The following COQ3 variants were observed in gnomAD, a reference collection of about 807,000 sequenced individuals.
COQ3 encodes ubiquinone biosynthesis O-methyltransferase, mitochondrial.
Under a neutral mutation model 33.1 loss-of-function variants are expected in COQ3, and 29 were observed. The observed-to-expected ratio is 0.88, with a 90% confidence interval of 0.65 to 1.19. The LOEUF is 1.19. COQ3 is among the 50% of genes most tolerant of loss of function. The pLI, the probability that COQ3 is intolerant of heterozygous loss-of-function variation, is 0.00. For synonymous variants in COQ3, 173 were observed against 157.8 expected, an observed-to-expected ratio of 1.10 and a Z score of -0.72; for missense variants, 437 against 430.7, an observed-to-expected ratio of 1.01 and a Z score of -0.13.
intron 1 of COQ3, among the ~76,000 whole-genome samples, chr6:99,385,329 C>A (rs1774594323): frequency 6.6e-6 from 1 of 152,122 alleles, no homozygotes. Context: ...GAAACACTTC[C>A]CCCAAACAAC....
At chr6:99,389,835 C>T (rs974115076) in intron 1 of COQ3, among the ~76,000 whole-genome samples, 10 of 151,960 alleles carry the variant, frequency 6.6e-5, no homozygotes, top group African/African-American at 1.4e-4. Context: ...AGATTAGGGC[C>T]GGGTGTGGTG....
chr6:99,380,329 C>T lies in COQ3; in HGVS notation c.246G>A (p.Ala82=), dbSNP rs548896136. ...NRIKSFRYPW[A]RLYSTSQTTV... ...TGGTTTGGGAAGTACTGTACAGTCT[C>T]GCCCAAGGGTACCTAAAAGGTGAAA... Residue 82 remains alanine, a synonymous_variant, in exon 3 of 7, where the codon GCG becomes GCA. Transcript: ENST00000254759. The T allele has an allele frequency of 1.8e-5, 29 of 1,613,468 alleles. No homozygotes were observed. The Middle Eastern group carries it at 5.0e-4, about 28-fold the overall frequency.
At chr6:99,384,398 C>A (rs1271565689) in intron 1 of COQ3, among the ~76,000 whole-genome samples, 1 of 152,020 alleles carries the variant, frequency 6.6e-6, no homozygotes, top group Non-Finnish European at 1.5e-5. Flanking sequence ...TTTTTCATGC[C>A]ATTAGTTTTT....
At chr6:99,386,902 G>C (rs1174824398) in intron 1 of COQ3, among the ~76,000 whole-genome samples, 1 of 151,964 alleles carries the variant, frequency 6.6e-6, no homozygotes, top group African/African-American at 2.4e-5. Flanking sequence ...AAAAATAGAA[G>C]GGTAAGGAAT....
chr6:99,391,094 T>TTG (rs1554209259), intron 1 of COQ3, among the ~76,000 whole-genome samples: 7 of 95,964 alleles, frequency 7.3e-5, no homozygotes, highest in Admixed American at 2.6e-4. Context: ...TTTATTTATT[T>TTG]ATTTATTTAT....
At chr6:99,389,099 T>C (rs1428138340) in intron 1 of COQ3, among the ~76,000 whole-genome samples, 1 of 152,016 alleles carries the variant, frequency 6.6e-6, no homozygotes, top group East Asian at 1.9e-4. Context: ...GGAAATTCTC[T>C]CTGTGTGTTT....
intron 1 of COQ3, among the ~76,000 whole-genome samples, chr6:99,390,998 T>G (rs1774808264): frequency 6.6e-6 from 1 of 152,234 alleles, no homozygotes; most frequent in Non-Finnish European, 1.5e-5. Flanking sequence ...TATTTTTTAA[T>G]CAGCCCTTCA....
At chr6:99,383,567 C>T (rs1774530823) in intron 2 of COQ3, 131 bp downstream of exon 2, 2 of 646,810 alleles carry the variant, frequency 3.1e-6, no homozygotes, top group Non-Finnish European at 2.4e-6. Flanking sequence ...GTTGAGACTA[C>T]TTAAATAAAC....
intron 5 of COQ3, among the ~76,000 whole-genome samples, chr6:99,373,678 G>A (rs965711889): frequency 1.3e-5 from 2 of 151,934 alleles, no homozygotes; most frequent in African/African-American, 2.4e-5. Flanking sequence ...TAAGAGATAA[G>A]CCTAGTAAAA....
chr6:99,379,088 A>G (rs893515131), intron 3 of COQ3, among the ~76,000 whole-genome samples: 8 of 151,596 alleles, frequency 5.3e-5, no homozygotes, highest in African/African-American at 1.7e-4. Context: ...ATGTGTATAC[A>G]TGTGCCATGT....
At chr6:99,373,067 T>A (rs932137923) in intron 5 of COQ3, among the ~76,000 whole-genome samples, 1 of 152,188 alleles carries the variant, frequency 6.6e-6, no homozygotes, top group Admixed American at 6.5e-5. Flanking sequence ...AGCTCTAGTA[T>A]TCTAAAATAT....
chr6:99,391,667 T>C (rs1269298079), intron 1 of COQ3, among the ~76,000 whole-genome samples: 4 of 152,196 alleles, frequency 2.6e-5, no homozygotes, highest in African/African-American at 9.7e-5. Context: ...AATGAATCCC[T>C]AAGTCATCAG....
At chr6:99,392,713 C>T (rs754070068) in intron 1 of COQ3, among the ~76,000 whole-genome samples, 156 of 151,980 alleles carry the variant, frequency 1.0e-3, no homozygotes, top group Non-Finnish European at 1.6e-3. Context: ...GCAACCTCTG[C>T]CTCCCAGGTT....
At chr6:99,381,524 C>T (rs959682522) in intron 2 of COQ3, among the ~76,000 whole-genome samples, 1 of 152,138 alleles carries the variant, frequency 6.6e-6, no homozygotes, top group African/African-American at 2.4e-5. Context: ...ATAGGTTGTC[C>T]CCTCTGCCTG....
chr6:99,393,096 T>G (rs1774875456), intron 1 of COQ3, among the ~76,000 whole-genome samples: 1 of 151,736 alleles, frequency 6.6e-6, no homozygotes, highest in Non-Finnish European at 1.5e-5. Context: ...GATAAAATGA[T>G]AGAAAATCAC....
chr6:99,381,329 G>A (rs1421083873), intron 2 of COQ3, among the ~76,000 whole-genome samples: 1 of 152,054 alleles, frequency 6.6e-6, no homozygotes, highest in Non-Finnish European at 1.5e-5. Context: ...TATCTTCCCA[G>A]TGCCATTAGA....
intron 5 of COQ3, among the ~76,000 whole-genome samples, chr6:99,372,530 G>A (rs1426764649): frequency 1.3e-5 from 2 of 151,302 alleles, no homozygotes; most frequent in African/African-American, 2.4e-5. Flanking sequence ...CGATTCTCCT[G>A]CCTCAGCCTC....
Position 99,371,326 on chromosome 6 carries a change from T to C in COQ3, c.889+102A>G, listed in dbSNP as rs559129394. ...ATAAAACCAACATTCAAAAACATAG[T>C]GGCCTATTTTATTAAGTGCTAGGCT... On this transcript the variant is annotated intron_variant, in intron 6 of 6. Transcript: ENST00000254759. The C allele has an allele frequency of 1.2e-5, 8 of 678,434 alleles. No individual in the cohort carries two copies. The East Asian group carries it at 2.4e-4, about 20-fold the overall frequency. The allele number at this position is 678,434 out of a possible 1,614,324, so 42.0% of individuals were successfully genotyped here. A position where few individuals can be genotyped will look rare whatever the true frequency, so the allele number is the denominator to read the frequency against.
Position 99,370,344 on chromosome 6 carries a change from C to CTTTTTTTTTTTTTTTTTT in COQ3, c.890-542_890-525dup. On this transcript the variant is annotated intron_variant, in intron 6 of 6. Transcript: ENST00000254759. Reference sequence around the variant, plus strand: ...TTCTTTCTTTCTTTTCTTTTCTTTACTTTTTTTTTTTTTTTTTTTTGTGAG... The same window carrying CTTTTTTTTTTTTTTTTTT: ...TTCTTTCTTTCTTTTCTTTTCTTTACTTTTTTTTTTTTTTTTTTTTTTTTTTTTTTTTTTTTTTGTGAG... Among the ~76,000 whole-genome samples the CTTTTTTTTTTTTTTTTTT allele has an allele frequency of 6.1e-4, 62 of 101,210 alleles. 1 individual carries two copies. Among genetic ancestry groups the CTTTTTTTTTTTTTTTTTT allele is most frequent in the South Asian group, 1.0e-3 (3 of 2,938 alleles). 66.4% of individuals were successfully genotyped at this position (101,210 alleles called of 152,430 possible). A position where few individuals can be genotyped will look rare whatever the true frequency, so the allele number is the denominator to read the frequency against.
Sources: allele counts gnomAD v4.1 joint callset (sites outside exome capture counted in the v4.1 genomes callset), GRCh38; gene constraint gnomAD v4.1.1; transcripts MANE v1.5; gene names NCBI Gene and HGNC (gene_info 2026-07-23, HGNC 2026-07-21).